Variants in MARCHF1 observed in about 807,000 individuals in gnomAD.
The protein encoded by MARCHF1 is E3 ubiquitin-protein ligase MARCHF1.
In MARCHF1, 40 loss-of-function variants were observed where a neutral mutation model predicts 54.2. The ratio of observed to expected loss-of-function variants is 0.74; its 90% confidence interval spans 0.57 to 0.96. The LOEUF is 0.96. MARCHF1 is among the 40% of genes least tolerant of loss of function. The probability of loss-of-function intolerance (pLI) is 0.00; values close to 1 mark genes in which losing one functional copy is unlikely to be tolerated. For synonymous variants in MARCHF1, 236 were observed against 236.3 expected, an observed-to-expected ratio of 1.00 and a Z score of 0.01; for missense variants, 586 against 656.5, an observed-to-expected ratio of 0.89 and a Z score of 1.17.
rs77189313 is a variant in MARCHF1 at position 163,780,967 on chromosome 4, G to A, written c.111+73054C>T. ...CCCTGGTAATTTTCCATCAGAGCCCGTTGAGATGTCTTTTACTGCAGGGAT... is the reference window on the plus strand; with the variant it reads ...CCCTGGTAATTTTCCATCAGAGCCCATTGAGATGTCTTTTACTGCAGGGAT... On this transcript the variant is annotated intron_variant, in intron 4 of 9. Transcript: ENST00000514618. Among the ~76,000 whole-genome samples the A allele has an allele frequency of 7.3e-3, 1,108 of 152,286 alleles. 8 individuals carry two copies. The highest frequency in any genetic ancestry group is 0.031 in the South Asian group (148 of 4,826).
chr4:163,545,633 G>C lies in MARCHF1; in HGVS notation c.1302C>G (p.Asp434Glu). 6.2e-7 allele frequency: 1 copy of C among 1,613,858 alleles called. No individual in the cohort carries two copies. The highest frequency in any genetic ancestry group is 8.5e-7 in the Non-Finnish European group (1 of 1,179,918). ...CTTGCTTGATTTCCTCCGCTGTCCG[G>C]TCTATCAATACATACAAAGACCAAA... Reference protein sequence around the residue: ...CVVWSLYVLIDRTAEEIKQGN... With the variant: ...CVVWSLYVLIERTAEEIKQGN... The change falls in exon 9 of 10, where the codon GAC becomes GAG. Residue 434 changes from aspartate to glutamate, a missense_variant. Physicochemically the swap from Asp to Glu is conservative, Grantham distance 45. Around this residue, in one of 3 missense-constraint regions of MARCHF1, gnomAD observed 93 missense variants for 168.2 expected, o/e 0.55. Coordinates refer to ENST00000514618, the MANE Select transcript of MARCHF1 (RefSeq NM_001394959.1).
chr4:164,293,651 G>T (rs1656759421), intron 1 of MARCHF1, among the ~76,000 whole-genome samples: 1 of 152,172 alleles, frequency 6.6e-6, no homozygotes, highest in African/African-American at 2.4e-5. Context: ...AATAAATTTA[G>T]ATTTTTTTCT....
At chr4:164,128,745 C>T (rs1012863588) in intron 1 of MARCHF1, among the ~76,000 whole-genome samples, 1 of 152,110 alleles carries the variant, frequency 6.6e-6, no homozygotes, top group African/African-American at 2.4e-5. Flanking sequence ...CTGAAGATGT[C>T]CTTCTGCAAA....
chr4:163,814,802 T>C (rs1420280483), intron 4 of MARCHF1, among the ~76,000 whole-genome samples: 1 of 152,158 alleles, frequency 6.6e-6, no homozygotes, highest in Non-Finnish European at 1.5e-5. Context: ...CTATCAGCAA[T>C]AGAACTATCA....
chr4:164,102,185 ACT>A (rs1464808490), intron 2 of MARCHF1, among the ~76,000 whole-genome samples: 8 of 100,218 alleles, frequency 8.0e-5, no homozygotes, highest in African/African-American at 3.1e-4. Context: ...GTTGGAAAAC[ACT>A]CTGCAGGATA....
chr4:163,992,575 A>G (rs1009001278), intron 2 of MARCHF1, among the ~76,000 whole-genome samples: 4 of 151,696 alleles, frequency 2.6e-5, no homozygotes, highest in African/African-American at 9.7e-5. Context: ...TTGGCATATG[A>G]GAGTTCAGGA....
chr4:164,195,085 T>C (rs1403751428), intron 1 of MARCHF1, among the ~76,000 whole-genome samples: 2 of 152,018 alleles, frequency 1.3e-5, no homozygotes, highest in African/African-American at 4.8e-5. Flanking sequence ...TCTGCCCTTG[T>C]GTTAGTTTGC....
At chr4:163,779,409 A>G (rs1747399965) in intron 4 of MARCHF1, among the ~76,000 whole-genome samples, 1 of 152,206 alleles carries the variant, frequency 6.6e-6, no homozygotes, top group Admixed American at 6.5e-5. Context: ...TTATAGGTTT[A>G]ATTACTGCCT....
intron 1 of MARCHF1, among the ~76,000 whole-genome samples, chr4:164,147,252 G>C (rs548822737): frequency 1.1e-4 from 16 of 148,302 alleles, no homozygotes; most frequent in East Asian, 4.0e-4. Context: ...AACCATTGTG[G>C]AAGTCAGTGT....
At chr4:164,085,065 A>G (rs773155086) in intron 2 of MARCHF1, among the ~76,000 whole-genome samples, 1 of 151,788 alleles carries the variant, frequency 6.6e-6, no homozygotes, top group Admixed American at 6.6e-5. Context: ...AGTCCATTTA[A>G]TAAGTTTTCT....
chr4:163,756,516 C>G (rs1217334012), intron 4 of MARCHF1, among the ~76,000 whole-genome samples: 1 of 150,782 alleles, frequency 6.6e-6, no homozygotes, highest in East Asian at 1.9e-4. Flanking sequence ...GCCTGTAGTC[C>G]CAGCTACTAG....
intron 4 of MARCHF1, among the ~76,000 whole-genome samples, chr4:163,831,093 A>G (rs971017): frequency 0.85 from 129,100 of 152,202 alleles, 55,233 homozygotes; most frequent in East Asian, 0.95. Context: ...AAGCTCAGCC[A>G]AAAATTTCTT....
Position 164,108,298 on chromosome 4 carries a change from G to C in MARCHF1, c.-248+3290C>G, listed in dbSNP as rs550791483. Reference sequence around the variant, plus strand: ...CTAAGTAAGTTCCTGAGTCAAGCCTGCTGTTTTTATTTTATTCTATCTGTA... The same window carrying C: ...CTAAGTAAGTTCCTGAGTCAAGCCTCCTGTTTTTATTTTATTCTATCTGTA... On this transcript the variant is annotated intron_variant, in intron 2 of 9. Coordinates refer to ENST00000514618, the MANE Select transcript of MARCHF1 (RefSeq NM_001394959.1). 2.0e-5 allele frequency among the ~76,000 whole-genome samples: 3 copies of C among 152,136 alleles called. No individual in the cohort carries two copies. In the East Asian group the frequency reaches 5.8e-4, roughly 29 times the overall value.
At chr4:164,224,868 T>C (rs1340242797) in intron 1 of MARCHF1, among the ~76,000 whole-genome samples, 2 of 152,058 alleles carry the variant, frequency 1.3e-5, no homozygotes, top group Non-Finnish European at 2.9e-5. Context: ...GAAACACGCT[T>C]TGATGCTGAG....
chr4:163,800,666 A>G (rs1337393834), intron 4 of MARCHF1, among the ~76,000 whole-genome samples: 1 of 152,124 alleles, frequency 6.6e-6, no homozygotes. Context: ...AAGAAACAAC[A>G]AAGTATCATC....
intron 4 of MARCHF1, among the ~76,000 whole-genome samples, chr4:163,768,722 C>T (rs942029098): frequency 6.6e-6 from 1 of 152,098 alleles, no homozygotes; most frequent in Non-Finnish European, 1.5e-5. Context: ...TAACCTTTTG[C>T]ACTTTGTAAT....
chr4:164,153,075 A>G (rs1382878884), intron 1 of MARCHF1, among the ~76,000 whole-genome samples: 1 of 152,078 alleles, frequency 6.6e-6, no homozygotes, highest in African/African-American at 2.4e-5. Flanking sequence ...TTAGTGCAGA[A>G]TAAATCTTTT....
At chr4:163,987,745 C>A (rs1752898101) in intron 3 of MARCHF1, among the ~76,000 whole-genome samples, 1 of 152,198 alleles carries the variant, frequency 6.6e-6, no homozygotes. Context: ...TATTTCCACT[C>A]AATATCCTTG....
At chr4:164,304,575 C>T (rs116317498) in intron 1 of MARCHF1, among the ~76,000 whole-genome samples, 2 of 152,238 alleles carry the variant, frequency 1.3e-5, no homozygotes, top group South Asian at 4.1e-4. Context: ...AGGTACCTAG[C>T]CCGAATTTCA....
Sources: allele counts gnomAD v4.1 joint callset (sites outside exome capture counted in the v4.1 genomes callset), GRCh38; gene constraint gnomAD v4.1.1; regional missense constraint gnomAD v4.1.1; transcripts MANE v1.5; gene names NCBI Gene and HGNC (gene_info 2026-07-23, HGNC 2026-07-21).